The following THSD4 variants were observed in gnomAD, a reference collection of about 807,000 sequenced individuals.
THSD4 encodes thrombospondin type-1 domain-containing protein 4.
A neutral mutation model predicts 119.0 loss-of-function variants in THSD4; 69 were observed. That is an observed-to-expected ratio of 0.58 (90% CI 0.48 to 0.71). The LOEUF (loss-of-function observed/expected upper bound fraction) is 0.71. Among genes scored for constraint, THSD4 ranks in the 30% least tolerant of loss-of-function variants. THSD4 has a pLI of 0.00. For missense variants in THSD4, 1,393 were observed against 1,391.1 expected (o/e 1.00, Z -0.02); for synonymous variants, 524 against 540.4 (o/e 0.97, Z 0.42).
intron 7 of THSD4, among the ~76,000 whole-genome samples, chr15:71,481,598 C>G (rs1383902420): frequency 2.6e-5 from 4 of 152,140 alleles, no homozygotes; most frequent in African/African-American, 9.7e-5. Flanking sequence ...TTCCTTTTAG[C>G]CAGTCCTTCC....
intron 6 of THSD4, among the ~76,000 whole-genome samples, chr15:71,387,720 T>C (rs1183308140): frequency 2.6e-5 from 4 of 152,220 alleles, no homozygotes; most frequent in Admixed American, 2.6e-4. Context: ...ATTGTAAGTA[T>C]ATACAACAAA....
intron 7 of THSD4, among the ~76,000 whole-genome samples, chr15:71,546,884 G>A (rs578249354): frequency 1.2e-4 from 18 of 152,284 alleles, no homozygotes; most frequent in African/African-American, 4.3e-4. Flanking sequence ...ATAAACTGCA[G>A]CCCAGAGCGG....
chr15:71,205,869 CTTT>C (rs36119455), intron 3 of THSD4, among the ~76,000 whole-genome samples: 4 of 130,834 alleles, frequency 3.1e-5, no homozygotes, highest in Non-Finnish European at 3.2e-5. Context: ...TGGAGATTCT[CTTT>C]TTTTTTTTTT....
intron 1 of THSD4, chr15:71,110,108 C>T (rs2040292716): frequency 6.6e-6 from 1 of 152,228 alleles, no homozygotes; most frequent in Non-Finnish European, 1.5e-5. Flanking sequence ...TGGCTGAGCT[C>T]TCCCACCCTG....
intron 7 of THSD4, among the ~76,000 whole-genome samples, chr15:71,658,521 T>C (rs2051234892): frequency 6.6e-6 from 1 of 152,168 alleles, no homozygotes; most frequent in African/African-American, 2.4e-5. Context: ...GTCAGAGGCA[T>C]CTCCTTGATT....
intron 17 of THSD4, among the ~76,000 whole-genome samples, chr15:71,772,128 T>C (rs1361144418): frequency 6.6e-6 from 1 of 152,216 alleles, no homozygotes. Context: ...TAAGAACATA[T>C]TTACTTTTCT....
intron 8 of THSD4, among the ~76,000 whole-genome samples, chr15:71,681,504 C>T (rs2051776087): frequency 6.6e-6 from 1 of 151,630 alleles, no homozygotes; most frequent in Admixed American, 6.6e-5. Flanking sequence ...TGGGGAAATC[C>T]TATCTCCACT....
intron 1 of THSD4, among the ~76,000 whole-genome samples, chr15:71,133,661 G>C (rs1461105751): frequency 6.6e-6 from 1 of 152,120 alleles, no homozygotes; most frequent in Admixed American, 6.5e-5. Context: ...TACTCCAAAG[G>C]TTTTTCCCCA....
chr15:71,358,664 A>G (rs1310203789), intron 6 of THSD4, among the ~76,000 whole-genome samples: 2 of 152,264 alleles, frequency 1.3e-5, no homozygotes, highest in Non-Finnish European at 2.9e-5. Context: ...GGTTGCTGTG[A>G]GAATTAAATG....
At chr15:71,370,534 T>C (rs2140434652) in intron 6 of THSD4, among the ~76,000 whole-genome samples, 1 of 152,352 alleles carries the variant, frequency 6.6e-6, no homozygotes, top group South Asian at 2.1e-4. Context: ...TTCATTTCAT[T>C]ATGTACCCAG....
chr15:71,567,759 G>T (rs1036762302), intron 7 of THSD4, among the ~76,000 whole-genome samples: 1 of 136,000 alleles, frequency 7.4e-6, no homozygotes. Flanking sequence ...AACAGCTGGA[G>T]AGAGAAAGAG....
chr15:71,510,559 G>A (rs2140755104), intron 7 of THSD4, among the ~76,000 whole-genome samples: 1 of 152,304 alleles, frequency 6.6e-6, no homozygotes, highest in Non-Finnish European at 1.5e-5. Context: ...TGGTTAGGAC[G>A]TCTACAGAGT....
chr15:71,427,824 A>G (rs1208691156), intron 7 of THSD4, among the ~76,000 whole-genome samples: 2 of 151,956 alleles, frequency 1.3e-5, no homozygotes, highest in African/African-American at 4.8e-5. Context: ...ATTGGATAAT[A>G]TAGTGGGTCA....
intron 7 of THSD4, among the ~76,000 whole-genome samples, chr15:71,494,702 G>T (rs899125069): frequency 1.3e-5 from 2 of 152,116 alleles, no homozygotes; most frequent in African/African-American, 4.8e-5. Flanking sequence ...ATCAGAGGAG[G>T]ACAGAAGCCT....
intron 7 of THSD4, among the ~76,000 whole-genome samples, chr15:71,623,038 A>C (rs1050783985): frequency 1.3e-5 from 2 of 152,058 alleles, no homozygotes; most frequent in African/African-American, 4.8e-5. Context: ...CAGTTGATGG[A>C]GGTCTCGGTA....
At chr15:71,524,489 G>A (rs2048487361) in intron 7 of THSD4, among the ~76,000 whole-genome samples, 1 of 152,242 alleles carries the variant, frequency 6.6e-6, no homozygotes, top group Middle Eastern at 3.4e-3. Context: ...AGCTGCAGGA[G>A]GCTGCGCAGG....
At chr15:71,112,008 C>G (rs566072790), upstream of THSD4, 265 of 1,213,272 alleles carry the variant, frequency 2.2e-4, no homozygotes, top group Non-Finnish European at 2.5e-4. Context: ...AGTTTCCCCC[C>G]AAAGGGTCCA....
chr15:71,335,397 T>A (rs541883040), intron 6 of THSD4, among the ~76,000 whole-genome samples: 2 of 152,230 alleles, frequency 1.3e-5, no homozygotes, highest in African/African-American at 4.8e-5. Flanking sequence ...CCAACAAAAA[T>A]GCACAGATTT....
chr15:71,246,695 A>G (rs927249785), intron 5 of THSD4, among the ~76,000 whole-genome samples: 1 of 152,202 alleles, frequency 6.6e-6, no homozygotes, highest in African/African-American at 2.4e-5. Flanking sequence ...AGATTTCTGA[A>G]TGTAGACTTT....
Sources: allele counts gnomAD v4.1 joint callset (sites outside exome capture counted in the v4.1 genomes callset), GRCh38; gene constraint gnomAD v4.1.1; transcripts MANE v1.5; gene names NCBI Gene and HGNC (gene_info 2026-07-23, HGNC 2026-07-21).